Variants in MYO9B observed in about 807,000 individuals in gnomAD.
MYO9B encodes unconventional myosin-IXb.
Under a neutral mutation model 229.5 loss-of-function variants are expected in MYO9B, and 71 were observed. That is an observed-to-expected ratio of 0.31 (90% CI 0.26 to 0.38). The LOEUF is 0.38. Ranked by LOEUF, MYO9B falls within the 10% of genes least tolerant of loss-of-function variation. MYO9B has a pLI of 1.00. For missense variants in MYO9B, 2,255 were observed against 2,920.5 expected (o/e 0.77, Z 5.25); for synonymous variants, 1,185 against 1,235.8 (o/e 0.96, Z 0.86).
At chr19:17,173,081 G>A (rs55951194) in intron 13 of MYO9B, 118 bp downstream of exon 13, 104,448 of 1,212,338 alleles carry the variant, frequency 0.086, 6,003 homozygotes, top group African/African-American at 0.28. Context: ...TTGTGCAAAC[G>A]CCACCTGTCT....
rs2073062460 is a variant in MYO9B, at chr19:17,197,813, C to T, written c.4068C>T (p.Ser1356=). The T allele has an allele frequency of 1.9e-6, 3 of 1,613,662 alleles. No homozygotes were observed. The highest frequency in any genetic ancestry group is 1.3e-5 in the African/African-American group (1 of 74,914). The change falls in exon 23 of 40, where the codon TCC becomes TCT. Residue 1356 remains serine, a synonymous_variant. Coordinates refer to ENST00000682292, the MANE Select transcript of MYO9B (RefSeq NM_004145.4). ...TPTEERRTSF[S]TSDVSKLLPS... ...GCAGGGAGAGGCGCACCTCCTTCTC[C>T]ACGAGCGACGTCTCCAAGCTCCTCC...
intron 3 of MYO9B, among the ~76,000 whole-genome samples, chr19:17,147,208 G>T (rs549690407): frequency 8.2e-4 from 125 of 152,278 alleles, no homozygotes; most frequent in Non-Finnish European, 1.5e-3. Flanking sequence ...ACCTCTCCAT[G>T]AAGACCCCAC....
chr19:17,201,866 C>A, intron 26 of MYO9B, 60 bp from the exon 27 acceptor site: 1 of 1,315,700 alleles, frequency 7.6e-7, no homozygotes. Flanking sequence ...TTGGGCACCT[C>A]CTCGGGTACG....
At chr19:17,197,699 A>G (rs2073061149) in intron 22 of MYO9B, 93 bp from the exon 23 acceptor site, 16 of 1,441,218 alleles carry the variant, frequency 1.1e-5, no homozygotes, top group Non-Finnish European at 1.6e-5. Flanking sequence ...GCAGGGGCAG[A>G]ACTGCCCAAG....
chr19:17,102,144 C>T lies in MYO9B; in HGVS notation c.427C>T (p.Arg143Trp), dbSNP rs558414794. 3.1e-5 allele frequency: 50 copies of T among 1,613,676 alleles called. No individual in the cohort carries two copies. Among genetic ancestry groups the T allele is most frequent in the South Asian group, 1.5e-4 (14 of 91,080 alleles). ...CCTAGTGGAGCGTGGCCTCCTGCCA[C>T]GGCAGCAGGCGGACTTTGATGACCT... Reference protein sequence around the residue: ...RRLVERGLLPRQQADFDDLCN... With the variant: ...RRLVERGLLPWQQADFDDLCN... Residue 143 changes from arginine to tryptophan, a missense_variant, in exon 2 of 40, where the codon CGG becomes TGG. Transcript: ENST00000682292.
At chr19:17,111,054 TG>T (rs1308971632) in intron 2 of MYO9B, among the ~76,000 whole-genome samples, 14 of 152,098 alleles carry the variant, frequency 9.2e-5, no homozygotes. Context: ...TAGACCACAG[TG>T]CCATTATCCA....
chr19:17,142,606 G>C (rs1258223778), intron 2 of MYO9B, among the ~76,000 whole-genome samples: 2 of 151,990 alleles, frequency 1.3e-5, no homozygotes, highest in Non-Finnish European at 2.9e-5. Context: ...CTGCCACAAA[G>C]AGCCCGATAG....
chr19:17,211,928 C>T lies in MYO9B; in HGVS notation c.6092C>T (p.Ala2031Val), dbSNP rs781091384. ...GCGCCTGCTCTCCCTTGCCCCGGCG[C>T]GCCCACCCCGAGCCCCCTCCCCACC... ...PPAPALPCPG[A>V]PTPSPLPTVA... The change falls in exon 40 of 40, where the codon GCG becomes GTG. Residue 2031 changes from alanine to valine, a missense_variant. Ala to Val is a moderately conservative substitution (Grantham distance 64). Transcript: ENST00000682292. The T allele has an allele frequency of 7.7e-6, 12 of 1,564,428 alleles. No homozygotes were observed. The East Asian group carries it at 1.1e-4, about 15-fold the overall frequency.
chr19:17,139,965 C>T lies in MYO9B; in HGVS notation c.841-5432C>T, dbSNP rs556242343. ...CTGAGGCAGGGGAATCACTTGAGCC[C>T]GGGAGGAGGAGGTTGTGGTGAGCTG... On this transcript the variant is annotated intron_variant, in intron 2 of 39. Transcript: ENST00000682292. Among the ~76,000 whole-genome samples the T allele has an allele frequency of 1.4e-4, 21 of 151,636 alleles. No homozygotes were observed. In the South Asian group the frequency reaches 4.0e-3, roughly 29 times the overall value.
At chr19:17,202,810 C>T (rs8101251) in intron 28 of MYO9B, 32 bp from the exon 29 acceptor site, 1 of 1,566,104 alleles carries the variant, frequency 6.4e-7, no homozygotes, top group Non-Finnish European at 8.7e-7. Flanking sequence ...CCAGGGGGGC[C>T]CCCGCCAACC....
intron 17 of MYO9B, among the ~76,000 whole-genome samples, 195 bp from the exon 18 acceptor site, chr19:17,185,726 A>T (rs1215965554): frequency 3.3e-5 from 5 of 151,878 alleles, no homozygotes; most frequent in Admixed American, 6.6e-5. Flanking sequence ...AACTCCCTCG[A>T]GGGTTTCCAG....
intron 2 of MYO9B, among the ~76,000 whole-genome samples, chr19:17,108,039 C>T (rs1204060962): frequency 3.9e-5 from 6 of 152,150 alleles, no homozygotes; most frequent in African/African-American, 1.2e-4. Flanking sequence ...GCCCCAGATC[C>T]GCGATTGTCC....
chr19:17,108,129 A>G (rs747112719), intron 2 of MYO9B, among the ~76,000 whole-genome samples: 2 of 152,196 alleles, frequency 1.3e-5, no homozygotes, highest in Non-Finnish European at 2.9e-5. Context: ...GTATGCCTTC[A>G]ACAGCCATTA....
chr19:17,076,498 G>A (rs1004278268), intron 1 of MYO9B, among the ~76,000 whole-genome samples: 1 of 152,070 alleles, frequency 6.6e-6, no homozygotes, highest in Non-Finnish European at 1.5e-5. Context: ...TAGGGAGGGA[G>A]GGCCCGGAGA....
At chr19:17,209,850 C>T in intron 36 of MYO9B, 141 bp downstream of exon 36, 1 of 1,173,208 alleles carries the variant, frequency 8.5e-7, no homozygotes, top group Non-Finnish European at 1.2e-6. Context: ...GGCAGGACCT[C>T]CCATGCCGAG....
intron 15 of MYO9B, among the ~76,000 whole-genome samples, chr19:17,181,890 C>G (rs181796059): frequency 4.6e-5 from 7 of 151,980 alleles, no homozygotes; most frequent in Non-Finnish European, 8.8e-5. Context: ...ATTCTCCCAC[C>G]TCAGCCTCCT....
intron 2 of MYO9B, among the ~76,000 whole-genome samples, chr19:17,115,419 G>A (rs4808571): frequency 0.14 from 20,630 of 149,684 alleles, 1,723 homozygotes; most frequent in Non-Finnish European, 0.2. Context: ...TACATCCACC[G>A]CTTCGTAGAA....
intron 20 of MYO9B, among the ~76,000 whole-genome samples, chr19:17,191,519 C>A (rs1461434115): frequency 6.6e-6 from 1 of 152,186 alleles, no homozygotes; most frequent in Non-Finnish European, 1.5e-5. Flanking sequence ...GGTCAGTCCC[C>A]TTTACGGTAT....
At chr19:17,156,469 C>T (rs919999462) in intron 6 of MYO9B, among the ~76,000 whole-genome samples, 2 of 152,140 alleles carry the variant, frequency 1.3e-5, no homozygotes, top group Non-Finnish European at 2.9e-5. Flanking sequence ...CCAATAATCC[C>T]AGCTATTCAG....
Sources: gnomAD v4.1 joint callset for allele counts (sites outside exome capture counted in the v4.1 genomes callset) on GRCh38, gnomAD v4.1.1 for gene constraint, MANE v1.5 for transcripts, NCBI Gene and HGNC (gene_info 2026-07-23, HGNC 2026-07-21) for gene names.